The following TBC1D4 variants were observed in gnomAD, a reference collection of about 807,000 sequenced individuals.
The protein encoded by TBC1D4 is TBC (Tre-2, BUB2, CDC16) domain-containing protein.
Under a neutral mutation model 142.5 loss-of-function variants are expected in TBC1D4, and 121 were observed. The observed-to-expected ratio is 0.85, with a 90% CI of 0.73 to 0.99. TBC1D4 has a LOEUF of 0.99. Among genes scored for constraint, TBC1D4 ranks in the 50% least tolerant of loss-of-function variants. The probability of loss-of-function intolerance (pLI) is 0.00; values close to 1 mark genes in which losing one functional copy is unlikely to be tolerated. For synonymous variants in TBC1D4, 630 were observed against 628.2 expected, an observed-to-expected ratio of 1.00 and a Z score of -0.04; for missense variants, 1,475 against 1,606.6, an observed-to-expected ratio of 0.92 and a Z score of 1.40.
In TBC1D4 at chr13:75,349,076, C is replaced by A. The variant is rs1216873257; in HGVS notation, c.1408+94G>T. 5.1e-6 allele frequency: 8 copies of A among 1,563,400 alleles called. No individual in the cohort carries two copies. In the Admixed American group the frequency reaches 6.8e-5, roughly 13 times the overall value. On this transcript the variant is annotated intron_variant, in intron 5 of 20. Coordinates refer to ENST00000377636, the MANE Select transcript of TBC1D4 (RefSeq NM_014832.5). ...GATTCTTTGGGTTCTTGTTTCACAT[C>A]GAAACAAAGAACTATTCAATGACAA... is the stretch of plus-strand genomic sequence containing the variant.
chr13:75,310,122 G>C lies in TBC1D4; in HGVS notation c.2413C>G (p.Leu805Val). The change falls in exon 14 of 21, where the codon CTG becomes GTG. Residue 805 changes from leucine (L) to valine (V), a missense_variant. By Grantham distance (32) the Leu-to-Val change is conservative. Around this residue, in one of 2 missense-constraint regions of TBC1D4, gnomAD observed 1,227 missense variants for 1,267.7 expected, o/e 0.97. Coordinates refer to ENST00000377636, the MANE Select transcript of TBC1D4 (RefSeq NM_014832.5). Reference protein sequence around the residue: ...DGLDRNELLPLSPLSPTMEEE... With the variant: ...DGLDRNELLPVSPLSPTMEEE... ...TCCATGGTTGGAGAGAGGGGGGACA[G>C]TGGCAGCAGCTCGTTCCTGTCCAAT... 1 of 1,614,012 alleles carries C rather than the reference G, an allele frequency of 6.2e-7. No homozygotes were observed. The highest frequency in any genetic ancestry group is 2.2e-5 in the East Asian group (1 of 44,874).
chr13:75,389,535 G>A (rs867134270), intron 1 of TBC1D4, among the ~76,000 whole-genome samples: 1 of 151,924 alleles, frequency 6.6e-6, no homozygotes, highest in Admixed American at 6.6e-5. Flanking sequence ...TTTAACTATT[G>A]TATCTCCAGA....
In TBC1D4 at chr13:75,481,516, C is replaced by T. The variant is rs778502573; in HGVS notation, c.252G>A (p.Leu84=). The part of the protein sequence containing the change: ...CGAPAAREVI[L]VLSAPFLRCV... ...AACGCAGGAAGGGCGCGCTGAGCACCAGGATCACCTCTCGGGCCGCCGGCG... is the reference window on the plus strand; with the variant it reads ...AACGCAGGAAGGGCGCGCTGAGCACTAGGATCACCTCTCGGGCCGCCGGCG... Residue 84 remains leucine, a synonymous_variant, in exon 1 of 21, where the codon CTG becomes CTA. Coordinates refer to ENST00000377636, the MANE Select transcript of TBC1D4 (RefSeq NM_014832.5). 1 of 1,611,130 alleles carries T rather than the reference C, an allele frequency of 6.2e-7. No homozygotes were observed. Among genetic ancestry groups the T allele is most frequent in the Non-Finnish European group, 8.5e-7 (1 of 1,178,562 alleles).
At position 75,310,214 on chromosome 13, in the gene TBC1D4, T is replaced by C. The variant is rs1593903483; in HGVS notation, c.2384-63A>G. On this transcript the variant is annotated intron_variant, in intron 13 of 20. Coordinates refer to ENST00000377636, the MANE Select transcript of TBC1D4 (RefSeq NM_014832.5). The stretch of plus-strand genomic sequence containing the variant: ...GTAACCCAGACTACCCAAGTTTCTG[T>C]AGAATTCACATTCTCATCTGATCTT... 13 of 1,500,540 alleles carry C rather than the reference T, an allele frequency of 8.7e-6. No individual in the cohort carries two copies. The East Asian group carries it at 1.4e-4, about 16-fold the overall frequency. The allele number at this position is 1,500,540 out of a possible 1,614,324, so 93.0% of individuals were successfully genotyped here.
chr13:75,481,992 G>A lies in TBC1D4; in HGVS notation c.-225C>T, dbSNP rs1010261840. The A allele has an allele frequency of 2.0e-6, 1 of 499,122 alleles. No individual in the cohort carries two copies. The highest frequency in any genetic ancestry group is 3.1e-6 in the Non-Finnish European group (1 of 317,504). The allele number at this position is 499,122 out of a possible 1,614,324, so 30.9% of individuals were successfully genotyped here. A position where few individuals can be genotyped will look rare whatever the true frequency, so the allele number is the denominator to read the frequency against. ...GCGGCGGGCACCGAGGCAAGCGCCC[G>A]GCAGGCGAGGGCGGGTTAAATGGGC... On this transcript the variant is annotated 5_prime_UTR_variant, in exon 1 of 21. Transcript: ENST00000377636.
At chr13:75,460,748 T>C (rs918512984) in intron 1 of TBC1D4, among the ~76,000 whole-genome samples, 3 of 151,798 alleles carry the variant, frequency 2.0e-5, no homozygotes. Flanking sequence ...CAGCGAGACC[T>C]CATCTTCACT....
chr13:75,403,208 C>T lies in TBC1D4; in HGVS notation c.499-40601G>A, dbSNP rs185782472. Reference sequence around the variant, plus strand: ...TGGGTCAATGCATTTTTAATTCCACCGGATCCTCTACTTCACAACATGACT... The same window carrying T: ...TGGGTCAATGCATTTTTAATTCCACTGGATCCTCTACTTCACAACATGACT... On this transcript the variant is annotated intron_variant, in intron 1 of 20. Transcript: ENST00000377636. 1.2e-3 allele frequency among the ~76,000 whole-genome samples: 177 copies of T among 152,242 alleles called. 1 individual carries two copies. The highest frequency in any genetic ancestry group is 2.3e-3 in the Non-Finnish European group (156 of 68,018).
At chr13:75,432,566 AT>A (rs1030561217) in intron 1 of TBC1D4, among the ~76,000 whole-genome samples, 3 of 152,198 alleles carry the variant, frequency 2.0e-5, no homozygotes, top group Admixed American at 1.3e-4. Flanking sequence ...AGGTGTGGGA[AT>A]TTATAACTAC....
At chr13:75,336,312 G>A (rs551599140) in intron 8 of TBC1D4, among the ~76,000 whole-genome samples, 149 of 152,112 alleles carry the variant, frequency 9.8e-4, no homozygotes, top group African/African-American at 3.3e-3. Context: ...CAGAAGAATC[G>A]CTTGAACCCA....
chr13:75,393,936 A>AAC (rs1234314248), intron 1 of TBC1D4, among the ~76,000 whole-genome samples: 1 of 151,850 alleles, frequency 6.6e-6, no homozygotes, highest in Non-Finnish European at 1.5e-5. Flanking sequence ...TCAAAAAAAA[A>AAC]AAAACAAAAA....
At chr13:75,320,642 T>C (rs994085206) in intron 11 of TBC1D4, among the ~76,000 whole-genome samples, 20 of 152,036 alleles carry the variant, frequency 1.3e-4, no homozygotes, top group African/African-American at 4.8e-4. Flanking sequence ...TGCTTAAAAA[T>C]AGTAACCTGT....
chr13:75,348,954 AGT>A (rs55954112), intron 5 of TBC1D4, among the ~76,000 whole-genome samples: 22,251 of 138,702 alleles, frequency 0.16, 1,703 homozygotes, highest in Admixed American at 0.22. Context: ...AGAGAGAGAG[AGT>A]GTGTGTGTGT....
chr13:75,305,442 A>G (rs1158219643), intron 15 of TBC1D4, among the ~76,000 whole-genome samples: 1 of 152,240 alleles, frequency 6.6e-6, no homozygotes, highest in Non-Finnish European at 1.5e-5. Flanking sequence ...CATTCTGTTA[A>G]CCATTATTGT....
chr13:75,472,123 A>AAAAG (rs1566515361), intron 1 of TBC1D4, among the ~76,000 whole-genome samples: 1 of 146,894 alleles, frequency 6.8e-6, no homozygotes, highest in African/African-American at 2.5e-5. Context: ...AAAAAAAAAA[A>AAAAG]AAAGAAAAGA....
chr13:75,448,750 A>G (rs1478577489), intron 1 of TBC1D4, among the ~76,000 whole-genome samples: 2 of 152,084 alleles, frequency 1.3e-5, no homozygotes, highest in Non-Finnish European at 2.9e-5. Context: ...CTTATTAAAA[A>G]AGAAACAAAA....
At chr13:75,437,604 T>C (rs1486678574) in intron 1 of TBC1D4, among the ~76,000 whole-genome samples, 1 of 152,194 alleles carries the variant, frequency 6.6e-6, no homozygotes, top group African/African-American at 2.4e-5. Flanking sequence ...ATAAACTTTT[T>C]TTTTTTTTAG....
At chr13:75,463,309 G>C (rs913697978) in intron 1 of TBC1D4, among the ~76,000 whole-genome samples, 2 of 152,178 alleles carry the variant, frequency 1.3e-5, no homozygotes, top group African/African-American at 4.8e-5. Context: ...CTGAGCTTAA[G>C]TGGAATTGAT....
chr13:75,430,971 G>A (rs1886571656), intron 1 of TBC1D4, among the ~76,000 whole-genome samples: 1 of 152,120 alleles, frequency 6.6e-6, no homozygotes, highest in South Asian at 2.1e-4. Context: ...AAGCTTTGTG[G>A]TTAAAATAAG....
chr13:75,436,673 A>G (rs1045556323), intron 1 of TBC1D4, among the ~76,000 whole-genome samples: 1 of 152,082 alleles, frequency 6.6e-6, no homozygotes, highest in African/African-American at 2.4e-5. Flanking sequence ...AAAAAAACAA[A>G]AAACATTTTA....
Sources: allele counts gnomAD v4.1 joint callset (sites outside exome capture counted in the v4.1 genomes callset), GRCh38; gene constraint gnomAD v4.1.1; regional missense constraint gnomAD v4.1.1; transcripts MANE v1.5; gene names NCBI Gene and HGNC (gene_info 2026-07-23, HGNC 2026-07-21).